RPS2: variants seen among roughly 807,000 people sequenced by gnomAD.
The protein encoded by RPS2 is ribosomal protein S2, also known as small ribosomal subunit protein uS5.
RPS2 carries 8 observed loss-of-function variants against 25.3 expected under a neutral mutation model. The ratio of observed to expected loss-of-function variants is 0.32; its 90% CI spans 0.19 to 0.57. RPS2 has a LOEUF of 0.57. Ranked by LOEUF, RPS2 falls within the 20% of genes least tolerant of loss-of-function variation. RPS2 has a pLI of 0.90. For missense variants in RPS2, 229 were observed against 408.1 expected, an observed-to-expected ratio of 0.56 and a Z score of 3.78; for synonymous variants, 181 against 161.3, an observed-to-expected ratio of 1.12 and a Z score of -0.92.
In RPS2 at chr16:1,962,233, G is replaced by A; in HGVS notation, c.747C>T (p.Ser249=). The stretch of plus-strand genomic sequence containing the variant: ...CCTTCCAGAGGTCGGGGGTCAGGTA[G>A]CTGTAGGTCTTAGAAATGGCATCAA... The part of the protein sequence containing the change: ...ATFDAISKTY[S]YLTPDLWKET... The change falls in exon 7 of 7, where the codon AGC becomes AGT. Residue 249 remains serine (S), a synonymous_variant. Coordinates refer to ENST00000343262, the MANE Select transcript of RPS2 (RefSeq NM_002952.4). The A allele has an allele frequency of 6.2e-7, 1 of 1,611,988 alleles. No homozygotes were observed. The highest frequency in any genetic ancestry group is 8.5e-7 in the Non-Finnish European group (1 of 1,179,492).
rs2083292456 is a variant in RPS2, at chr16:1,964,810, T to C, written c.-7A>G. 1 of 537,252 alleles carries C rather than the reference T, an allele frequency of 1.9e-6. No individual in the cohort carries two copies. Among genetic ancestry groups the C allele is most frequent in the Non-Finnish European group, 3.2e-6 (1 of 309,312 alleles). The allele number at this position is 537,252 out of a possible 1,614,324, so 33.3% of individuals were successfully genotyped here. A position where few individuals can be genotyped will look rare whatever the true frequency, so the allele number is the denominator to read the frequency against. On this transcript the variant is annotated 5_prime_UTR_variant, in exon 1 of 7. Coordinates refer to ENST00000343262, the MANE Select transcript of RPS2 (RefSeq NM_002952.4). ...TGCAGCGACCAACAGGACTCACGTG[T>C]TTTGTCGGAAAAGAAGAACGAGACC...
rs765715058 is a variant in RPS2, at chr16:1,962,591, G to A, written c.615C>T (p.Val205=). ...LIPAPRGTGI[V]SAPVPKKLLM... is the part of the protein sequence containing the mutation. ...GCAGCTTCTTAGGCACAGGTGCGGA[G>A]ACGATGCCAGTGCCCCTGGGTGCAG... Residue 205 remains valine, a synonymous_variant, in exon 6 of 7, where the codon GTC becomes GTT. Coordinates refer to ENST00000343262, the MANE Select transcript of RPS2 (RefSeq NM_002952.4). 4.3e-6 allele frequency: 7 copies of A among 1,611,230 alleles called. No homozygotes were observed. Among genetic ancestry groups the A allele is most frequent in the African/African-American group, 4.0e-5 (3 of 74,960 alleles).
Position 1,964,632 on chromosome 16 carries a change from G to C in RPS2, c.-3-4C>G, listed in dbSNP as rs764013061. On this transcript the variant is annotated splice_polypyrimidine_tract_variant and splice_region_variant and intron_variant, in intron 1 of 6. Coordinates refer to ENST00000343262, the MANE Select transcript of RPS2 (RefSeq NM_002952.4). ...CACCGGCGTCATCCGCCATTTGCTG[G>C]GAAAAGCGACAAGAAGGAACTAGTC... The C allele has an allele frequency of 2.8e-6, 4 of 1,447,766 alleles. No individual in the cohort carries two copies. Among genetic ancestry groups the C allele is most frequent in the African/African-American group, 2.9e-5 (2 of 68,248 alleles). The allele number at this position is 1,447,766 out of a possible 1,614,324, so 89.7% of individuals were successfully genotyped here.
At chr16:1,963,371 A>T in intron 3 of RPS2, 115 bp from the exon 4 acceptor site, 2 of 643,210 alleles carry the variant, frequency 3.1e-6, no homozygotes, top group Non-Finnish European at 2.7e-6. Context: ...TAATCCCAGC[A>T]CTTTGGGAGA....
intron 1 of RPS2, 56 bp downstream of exon 1, chr16:1,964,751 T>TCCGCGGATTCCCGCCGC (rs1567318803): frequency 1.2e-5 from 7 of 568,626 alleles, no homozygotes; most frequent in Non-Finnish European, 1.5e-5. Flanking sequence ...CGACCCGATG[T>TCCGCGGATTCCCGCCGC]CCGCGGATTC....
At position 1,964,599 on chromosome 16, in the gene RPS2, C is replaced by G; in HGVS notation, c.27G>C (p.Gly9=). 1.3e-6 allele frequency: 2 copies of G among 1,524,984 alleles called. No individual in the cohort carries two copies. Among genetic ancestry groups the G allele is most frequent in the Non-Finnish European group, 1.8e-6 (2 of 1,139,632 alleles). The allele number at this position is 1,524,984 out of a possible 1,614,324, so 94.5% of individuals were successfully genotyped here. ...CAGGGCCACCAGGGCCCCCGGGCCCCCCCGCTGCACCGGCGTCATCCGCCA... is the reference window on the plus strand; with the variant it reads ...CAGGGCCACCAGGGCCCCCGGGCCCGCCCGCTGCACCGGCGTCATCCGCCA... MADDAGAA[G]GPGGPGGPGM... Residue 9 remains glycine (G), a synonymous_variant, in exon 2 of 7, where the codon GGG becomes GGC. Transcript: ENST00000343262.
intron 3 of RPS2, 64 bp from the exon 4 acceptor site, chr16:1,963,320 C>A: frequency 9.1e-7 from 1 of 1,093,934 alleles, no homozygotes; most frequent in South Asian, 1.5e-5. Context: ...TTATGATATT[C>A]AAGAACCAAA....
intron 3 of RPS2, 104 bp downstream of exon 3, chr16:1,964,172 G>T: frequency 1.2e-6 from 1 of 852,458 alleles, no homozygotes; most frequent in South Asian, 1.5e-5. Context: ...CACGCGAGAC[G>T]CTGGGCCCTT....
intron 4 of RPS2, 112 bp downstream of exon 4, chr16:1,963,037 T>C: frequency 7.3e-7 from 1 of 1,364,446 alleles, no homozygotes; most frequent in Non-Finnish European, 1.0e-6. Context: ...TGAGGAGATC[T>C]TTTCTCTCTC....
intron 4 of RPS2, 36 bp from the exon 5 acceptor site, chr16:1,962,945 T>C (rs1031822494): frequency 2.5e-6 from 4 of 1,595,468 alleles, no homozygotes; most frequent in African/African-American, 1.3e-5. Context: ...CTGGTGGCCC[T>C]ACACCCAATC....
chr16:1,962,266 C>T lies in RPS2; in HGVS notation c.714G>A (p.Lys238=). 2 of 1,613,278 alleles carry T rather than the reference C, an allele frequency of 1.2e-6. No homozygotes were observed. The highest frequency in any genetic ancestry group is 1.3e-5 in the African/African-American group (1 of 74,976). The part of the protein sequence containing the change: ...GCTATLGNFA[K]ATFDAISKTY... ...TCTTAGAAATGGCATCAAAGGTGGC[C>T]TTGGCTGCAAAACAAAAGAACCCCA... The change falls in exon 7 of 7, where the codon AAG becomes AAA. Residue 238 remains lysine (K), a synonymous_variant. Coordinates refer to ENST00000343262, the MANE Select transcript of RPS2 (RefSeq NM_002952.4).
At chr16:1,963,840 C>T (rs1296267257) in intron 3 of RPS2, 1 of 447,878 alleles carries the variant, frequency 2.2e-6, no homozygotes, top group Admixed American at 2.6e-5. Flanking sequence ...CCGTACCTTG[C>T]TAGGGCGAAC....
intron 3 of RPS2, among the ~76,000 whole-genome samples, 187 bp from the exon 4 acceptor site, chr16:1,963,443 C>T (rs886701407): frequency 6.6e-6 from 1 of 152,120 alleles, no homozygotes; most frequent in Non-Finnish European, 1.5e-5. Flanking sequence ...GGTGAAACCC[C>T]ACCTCTATTA....
chr16:1,963,557 A>C (rs1597038307), intron 3 of RPS2: 1 of 359,488 alleles, frequency 2.8e-6, no homozygotes, highest in South Asian at 2.2e-5. Context: ...TGGAGGTTGC[A>C]GTGAGCCGAG....
At chr16:1,963,387 G>GTGGGCGGATCACA in intron 3 of RPS2, 131 bp from the exon 4 acceptor site, 1 of 614,962 alleles carries the variant, frequency 1.6e-6, no homozygotes, top group Non-Finnish European at 2.9e-6. Context: ...GGAGACTGAG[G>GTGGGCGGATCACA]TGGGCGGATC....
intron 3 of RPS2, 32 bp from the exon 4 acceptor site, chr16:1,963,288 A>G (rs2083274242): frequency 7.2e-7 from 1 of 1,384,256 alleles, no homozygotes; most frequent in South Asian, 1.3e-5. Context: ...TAGGGAGAGC[A>G]TTAAAAAAAA....
At chr16:1,962,961 C>T (rs1385670639) in intron 4 of RPS2, 52 bp from the exon 5 acceptor site, 2 of 1,581,532 alleles carry the variant, frequency 1.3e-6, no homozygotes, top group Non-Finnish European at 1.7e-6. Flanking sequence ...CAATCACTGC[C>T]CACCGCCCAG....
Position 1,963,016 on chromosome 16 carries a change from A to G in RPS2, c.376-107T>C, listed in dbSNP as rs150191306. ...GGAAAGAGAGGCCACAGTAAGGCCC[A>G]TCCGAGGTCCTGAGGAGATCTTTTC... is the stretch of plus-strand genomic sequence containing the variant. On this transcript the variant is annotated intron_variant, in intron 4 of 6. Coordinates refer to ENST00000343262, the MANE Select transcript of RPS2 (RefSeq NM_002952.4). The G allele has an allele frequency of 1.3e-3, 1,786 of 1,408,592 alleles. 16 individuals carry two copies. In the African/African-American group the frequency reaches 0.023, roughly 18 times the overall value. 87.3% of individuals were successfully genotyped at this position (1,408,592 alleles called of 1,614,324 possible). A position where few individuals can be genotyped will look rare whatever the true frequency, so the allele number is the denominator to read the frequency against.
Position 1,962,732 on chromosome 16 carries a change from C to T in RPS2, c.549+4G>A. ...GGCAGGCCCATCACCTGCCACCAGCCTACCTTGCAAGGGACAGTGTGGGGC... is the reference window on the plus strand; with the variant it reads ...GGCAGGCCCATCACCTGCCACCAGCTTACCTTGCAAGGGACAGTGTGGGGC... On this transcript the variant is annotated splice_donor_region_variant and intron_variant, in intron 5 of 6. Coordinates refer to ENST00000343262, the MANE Select transcript of RPS2 (RefSeq NM_002952.4). The T allele has an allele frequency of 1.9e-6, 3 of 1,598,812 alleles. No homozygotes were observed. The highest frequency in any genetic ancestry group is 2.6e-6 in the Non-Finnish European group (3 of 1,172,804).
Sources: allele counts gnomAD v4.1 joint callset (sites outside exome capture counted in the v4.1 genomes callset), GRCh38; gene constraint gnomAD v4.1.1; transcripts MANE v1.5; gene names NCBI Gene and HGNC (gene_info 2026-07-23, HGNC 2026-07-21).